NXPE3: variants seen among roughly 807,000 people sequenced by gnomAD.
The protein encoded by NXPE3 is neurexophilin and PC-esterase domain family member 3.
NXPE3 carries 26 observed loss-of-function variants against 46.1 expected under a neutral mutation model. The ratio of observed to expected loss-of-function variants is 0.56; its 90% CI spans 0.41 to 0.78. The LOEUF (loss-of-function observed/expected upper bound fraction) is 0.78, where lower values mean the gene tolerates loss of function less well. Among genes scored for constraint, NXPE3 ranks in the 30% least tolerant of loss-of-function variants. The probability of loss-of-function intolerance (pLI) is 0.00; values close to 1 mark genes in which losing one functional copy is unlikely to be tolerated. For synonymous variants in NXPE3, 272 were observed against 257.9 expected (o/e 1.05, Z -0.52); for missense variants, 620 against 686.0 (o/e 0.90, Z 1.07).
rs779294322 is a variant in NXPE3 at position 101,785,707 on chromosome 3, T to A, written c.93+18T>A. The A allele has an allele frequency of 1.2e-6, 2 of 1,604,774 alleles. No homozygotes were observed. The highest frequency in any genetic ancestry group is 2.7e-5 in the African/African-American group (2 of 74,672). On this transcript the variant is annotated intron_variant, in intron 4 of 7. Transcript: ENST00000273347. Reference sequence around the variant, plus strand: ...AGGTAGAGGTGAGTACCCAGTATAATCCCTCATAACTAAGGGAGCCGAGTC... The same window carrying A: ...AGGTAGAGGTGAGTACCCAGTATAAACCCTCATAACTAAGGGAGCCGAGTC...
chr3:101,819,701 T>C (rs1052268862), intron 7 of NXPE3, among the ~76,000 whole-genome samples: 1 of 152,248 alleles, frequency 6.6e-6, no homozygotes, highest in African/African-American at 2.4e-5. Flanking sequence ...CATTGTGGAA[T>C]TAGTACATCA....
At chr3:101,803,465 A>G (rs1266957419) in intron 5 of NXPE3, among the ~76,000 whole-genome samples, 2 of 152,134 alleles carry the variant, frequency 1.3e-5, no homozygotes, top group Non-Finnish European at 2.9e-5. Context: ...AAATTTCACA[A>G]CTCCTCAAAA....
intron 4 of NXPE3, among the ~76,000 whole-genome samples, chr3:101,791,938 C>G (rs1940542306): frequency 6.6e-6 from 1 of 152,216 alleles, no homozygotes; most frequent in Non-Finnish European, 1.5e-5. Context: ...TCCTCTTCAA[C>G]ATTGCCAGCA....
chr3:101,812,213 T>A (rs1249928125), intron 6 of NXPE3, among the ~76,000 whole-genome samples: 1 of 152,216 alleles, frequency 6.6e-6, no homozygotes, highest in Non-Finnish European at 1.5e-5. Context: ...ATTTTATTTT[T>A]AAAAAATTTA....
At chr3:101,793,713 T>A (rs1940658713) in intron 4 of NXPE3, among the ~76,000 whole-genome samples, 1 of 148,424 alleles carries the variant, frequency 6.7e-6, no homozygotes, top group African/African-American at 2.5e-5. Context: ...AAACTCAGGT[T>A]ATTGTTTTTA....
At chr3:101,803,005 A>C (rs1941239602) in intron 5 of NXPE3, among the ~76,000 whole-genome samples, 2 of 152,350 alleles carry the variant, frequency 1.3e-5, no homozygotes, top group East Asian at 3.9e-4. Context: ...TCACAATTGC[A>C]CTACAGCCTG....
At chr3:101,806,196 C>CA (rs1941409859) in intron 5 of NXPE3, among the ~76,000 whole-genome samples, 1 of 152,118 alleles carries the variant, frequency 6.6e-6, no homozygotes, top group South Asian at 2.1e-4. Context: ...ACAGTTTTTT[C>CA]TGAAATTGAT....
Position 101,826,331 on chromosome 3 carries a change from T to C in NXPE3, c.*4377T>C, listed in dbSNP as rs1467368745. Reference sequence around the variant, plus strand: ...CAACAGAAATAAGCCTCCCCAACTTTCTAAAAAACTGCTCAGCATTATCTC... The same window carrying C: ...CAACAGAAATAAGCCTCCCCAACTTCCTAAAAAACTGCTCAGCATTATCTC... On this transcript the variant is annotated 3_prime_UTR_variant, in exon 8 of 8. Coordinates refer to ENST00000273347, the MANE Select transcript of NXPE3 (RefSeq NM_145037.4). The C allele has an allele frequency of 1.3e-5, 2 of 152,154 alleles. No homozygotes were observed. Among genetic ancestry groups the C allele is most frequent in the Non-Finnish European group, 2.9e-5 (2 of 68,022 alleles). The allele number at this position is 152,154 out of a possible 1,614,324, so 9.4% of individuals were successfully genotyped here.
At position 101,808,846 on chromosome 3, in the gene NXPE3, T is replaced by TACAC. The variant is rs1560057808; in HGVS notation, c.922+1721_922+1722insCACA. 3.7e-4 allele frequency among the ~76,000 whole-genome samples: 48 copies of TACAC among 130,960 alleles called. 1 individual carries two copies. Among genetic ancestry groups the TACAC allele is most frequent in the African/African-American group, 1.3e-3 (46 of 35,168 alleles). 85.9% of individuals were successfully genotyped at this position (130,960 alleles called of 152,430 possible). A position where few individuals can be genotyped will look rare whatever the true frequency, so the allele number is the denominator to read the frequency against. ...ATATATATATATATATATATATATA[T>TACAC]ATATATATATGAGACATTTATCTTT... On this transcript the variant is annotated intron_variant, in intron 6 of 7. Transcript: ENST00000273347.
rs554355198 is a variant in NXPE3 at position 101,794,149 on chromosome 3, CGCATT to C, written c.94-7085_94-7081del. ...AGTTGTTTCATGTGAGAGGCTAAAT[CGCATT>C]ACTGTTTCTCTATCTTTGCTGGAAG... On this transcript the variant is annotated intron_variant, in intron 4 of 7. Coordinates refer to ENST00000273347, the MANE Select transcript of NXPE3 (RefSeq NM_145037.4). 6.6e-5 allele frequency among the ~76,000 whole-genome samples: 10 copies of C among 150,406 alleles called. No individual in the cohort carries two copies. The East Asian group carries it at 1.9e-3, about 29-fold the overall frequency.
Position 101,801,827 on chromosome 3 carries a change from T to G in NXPE3, c.686T>G (p.Leu229Arg). 6.2e-7 allele frequency: 1 copy of G among 1,614,204 alleles called. No homozygotes were observed. The highest frequency in any genetic ancestry group is 8.5e-7 in the Non-Finnish European group (1 of 1,180,034). The stretch of plus-strand genomic sequence containing the variant: ...GAAACTACTGAGTGCAACGTGTGTC[T>G]TCCTGGGAATCTGCCCCTGTGTAAC... ...ISETTECNVC[L>R]PGNLPLCNFT... is the part of the protein sequence containing the mutation. The change falls in exon 5 of 8, where the codon CTT (leucine) becomes CGT (arginine). Residue 229 changes from leucine (L) to arginine (R), a missense_variant. Coordinates refer to ENST00000273347, the MANE Select transcript of NXPE3 (RefSeq NM_145037.4).
At chr3:101,821,097 A>G (rs1424932490) in intron 7 of NXPE3, among the ~76,000 whole-genome samples, 1 of 152,256 alleles carries the variant, frequency 6.6e-6, no homozygotes, top group Non-Finnish European at 1.5e-5. Context: ...CCTAATAATT[A>G]GAGAAAAATG....
rs1394784078 is a variant in NXPE3, at chr3:101,822,622, AT to A, written c.*671del. On this transcript the variant is annotated 3_prime_UTR_variant, in exon 8 of 8. Coordinates refer to ENST00000273347, the MANE Select transcript of NXPE3 (RefSeq NM_145037.4). Reference sequence around the variant, plus strand: ...ATAAAATCTGTGCTTTGGAATTGATATTTGCATTTGGTGATTGTTTTTTATT... The same window carrying A: ...ATAAAATCTGTGCTTTGGAATTGATATTGCATTTGGTGATTGTTTTTTATT... 1 of 152,072 alleles carries A rather than the reference AT, an allele frequency of 6.6e-6. No homozygotes were observed. Among genetic ancestry groups the A allele is most frequent in the Non-Finnish European group, 1.5e-5 (1 of 68,026 alleles). The allele number at this position is 152,072 out of a possible 1,614,324, so 9.4% of individuals were successfully genotyped here.
At chr3:101,819,290 G>A (rs1351420542) in intron 7 of NXPE3, among the ~76,000 whole-genome samples, 1 of 152,074 alleles carries the variant, frequency 6.6e-6, no homozygotes, top group African/African-American at 2.4e-5. Flanking sequence ...TTTCCTCATG[G>A]GTGCACGTAC....
At chr3:101,793,232 T>C (rs1467557280) in intron 4 of NXPE3, among the ~76,000 whole-genome samples, 1 of 152,214 alleles carries the variant, frequency 6.6e-6, no homozygotes, top group African/African-American at 2.4e-5. Context: ...TGATTTCCTC[T>C]CTTCCTATTT....
At chr3:101,807,438 G>C (rs1376194258) in intron 6 of NXPE3, among the ~76,000 whole-genome samples, 1 of 151,880 alleles carries the variant, frequency 6.6e-6, no homozygotes, top group Non-Finnish European at 1.5e-5. Flanking sequence ...TCCCATCTCA[G>C]CCTCCCGAGT....
intron 3 of NXPE3, among the ~76,000 whole-genome samples, chr3:101,784,370 G>A (rs1361832359): frequency 6.6e-6 from 1 of 152,194 alleles, no homozygotes; most frequent in African/African-American, 2.4e-5. Flanking sequence ...TGGAGAGCTT[G>A]TTGGAATGGC....
intron 6 of NXPE3, among the ~76,000 whole-genome samples, chr3:101,813,193 G>A (rs1464478240): frequency 2.0e-5 from 3 of 152,202 alleles, no homozygotes; most frequent in Admixed American, 6.5e-5. Context: ...GCAGTCTCTG[G>A]TGCAGGGAAT....
chr3:101,787,267 T>G (rs1000857933), intron 4 of NXPE3, among the ~76,000 whole-genome samples: 1 of 152,200 alleles, frequency 6.6e-6, no homozygotes, highest in African/African-American at 2.4e-5. Flanking sequence ...TCTAAGTACC[T>G]TATACCAGTG....
Sources: allele counts gnomAD v4.1 joint callset (sites outside exome capture counted in the v4.1 genomes callset), GRCh38; gene constraint gnomAD v4.1.1; transcripts MANE v1.5; gene names NCBI Gene and HGNC (gene_info 2026-07-23, HGNC 2026-07-21).